STK3: variants seen among roughly 807,000 people sequenced by gnomAD.
STK3 encodes the protein serine/threonine kinase 3.
A neutral mutation model predicts 58.0 loss-of-function variants in STK3; 41 were observed. The observed-to-expected ratio is 0.71, with a 90% CI of 0.55 to 0.92. STK3 has a LOEUF of 0.92. STK3 is among the 40% of genes least tolerant of loss of function. The probability of loss-of-function intolerance (pLI) is 0.00; values close to 1 mark genes in which losing one functional copy is unlikely to be tolerated. For synonymous variants in STK3, 170 were observed against 191.0 expected, an observed-to-expected ratio of 0.89 and a Z score of 0.91; for missense variants, 479 against 602.7, an observed-to-expected ratio of 0.79 and a Z score of 2.15.
chr8:98,878,186 G>T (rs894908517), intron 3 of STK3, among the ~76,000 whole-genome samples: 9 of 151,656 alleles, frequency 5.9e-5, no homozygotes, highest in African/African-American at 2.2e-4. Context: ...CTGAGTAACT[G>T]GGATTACAGG....
At chr8:98,597,751 A>T (rs1390284744) in intron 6 of STK3, 1 of 985,204 alleles carries the variant, frequency 1.0e-6, no homozygotes, top group African/African-American at 1.7e-5. Context: ...CAGACCTTAT[A>T]AACCCGGCTA....
At chr8:98,825,243 A>C (rs1214161800) in intron 1 of STK3, among the ~76,000 whole-genome samples, 1 of 151,772 alleles carries the variant, frequency 6.6e-6, no homozygotes, top group African/African-American at 2.4e-5. Context: ...CCGCCCCGGG[A>C]GGTCAGGCCG....
At chr8:98,592,736 T>TATTC (rs1815431819) in intron 7 of STK3, among the ~76,000 whole-genome samples, 1 of 88,990 alleles carries the variant, frequency 1.1e-5, no homozygotes, top group Admixed American at 9.5e-5. Context: ...TGACTTACTT[T>TATTC]ATTTATTTAT....
At chr8:98,381,149 T>A (rs1238475958) in intron 1 of STK3, among the ~76,000 whole-genome samples, 3 of 152,036 alleles carry the variant, frequency 2.0e-5, no homozygotes, top group Non-Finnish European at 4.4e-5. Context: ...TTTTGTATTT[T>A]TAGTAGAGAC....
chr8:98,724,966 T>C (rs1827696142), intron 4 of STK3, among the ~76,000 whole-genome samples: 1 of 152,168 alleles, frequency 6.6e-6, no homozygotes, highest in Non-Finnish European at 1.5e-5. Flanking sequence ...AAAATTGTTA[T>C]AAAAAATGAA....
chr8:98,559,968 A>T (rs552817845), intron 8 of STK3, among the ~76,000 whole-genome samples: 2 of 152,284 alleles, frequency 1.3e-5, no homozygotes, highest in Non-Finnish European at 2.9e-5. Flanking sequence ...GGAAGTAAAA[A>T]GAAAACCAAG....
At chr8:98,711,493 G>C (rs2131106850) in intron 4 of STK3, among the ~76,000 whole-genome samples, 1 of 152,324 alleles carries the variant, frequency 6.6e-6, no homozygotes, top group East Asian at 1.9e-4. Flanking sequence ...AAATGCACAA[G>C]CCTCAGTAGC....
intron 6 of STK3, among the ~76,000 whole-genome samples, chr8:98,657,732 G>C (rs1444489041): frequency 6.6e-6 from 1 of 151,874 alleles, no homozygotes; most frequent in East Asian, 1.9e-4. Context: ...AGAGTATTAA[G>C]AGTATCTTAA....
chr8:98,903,747 T>A (rs1022649439), intron 1 of STK3, among the ~76,000 whole-genome samples: 1 of 152,070 alleles, frequency 6.6e-6, no homozygotes, highest in African/African-American at 2.4e-5. Context: ...TAATGTTGCA[T>A]TATAAAGTCC....
intron 7 of STK3, 97 bp from the exon 8 acceptor site, chr8:98,579,886 A>G: frequency 9.0e-7 from 1 of 1,112,962 alleles, no homozygotes; most frequent in Non-Finnish European, 1.2e-6. Flanking sequence ...CCAGGATCAC[A>G]GGCTTCAATG....
downstream of STK3, among the ~76,000 whole-genome samples, chr8:98,396,589 C>T (rs564450910): frequency 6.6e-6 from 1 of 152,292 alleles, no homozygotes; most frequent in Admixed American, 6.5e-5. Context: ...TGTCTGATGG[C>T]CAGTGGCCAG....
intron 10 of STK3, among the ~76,000 whole-genome samples, chr8:98,509,723 T>C (rs1335444600): frequency 2.6e-5 from 4 of 151,944 alleles, no homozygotes; most frequent in African/African-American, 9.6e-5. Flanking sequence ...AGAAGTACTA[T>C]GGCCAACAGC....
At chr8:98,372,772 A>G (rs1438648570) in intron 2 of STK3, among the ~76,000 whole-genome samples, 2 of 152,194 alleles carry the variant, frequency 1.3e-5, no homozygotes, top group African/African-American at 4.8e-5. Flanking sequence ...TGAGAAGAGC[A>G]TGGGTTGTGA....
intron 6 of STK3, among the ~76,000 whole-genome samples, chr8:98,665,670 C>T (rs989576236): frequency 6.6e-6 from 1 of 151,662 alleles, no homozygotes; most frequent in Non-Finnish European, 1.5e-5. Context: ...GCTGTGATTA[C>T]AGGCATGAGC....
intron 7 of STK3, among the ~76,000 whole-genome samples, chr8:98,591,865 G>A (rs1815345635): frequency 6.6e-6 from 1 of 152,128 alleles, no homozygotes; most frequent in African/African-American, 2.4e-5. Context: ...GTATAATGTA[G>A]TTTGAATTTT....
intron 1 of STK3, among the ~76,000 whole-genome samples, chr8:98,785,976 G>A (rs887180113): frequency 2.6e-5 from 4 of 152,134 alleles, no homozygotes; most frequent in African/African-American, 9.7e-5. Flanking sequence ...TGAATGTAGT[G>A]CCACCACAGA....
chr8:98,396,775 C>T (rs890050490), downstream of STK3, among the ~76,000 whole-genome samples: 2 of 152,216 alleles, frequency 1.3e-5, no homozygotes, highest in African/African-American at 4.8e-5. Context: ...CAAGCAGCCA[C>T]GCTGACTGCT....
chr8:98,648,952 G>A (rs1410357232), intron 6 of STK3, among the ~76,000 whole-genome samples: 1 of 151,336 alleles, frequency 6.6e-6, no homozygotes, highest in Non-Finnish European at 1.5e-5. Flanking sequence ...AGCTACTTGG[G>A]AGGCTGAGGA....
At chr8:98,747,605 A>G (rs140055974) in intron 4 of STK3, among the ~76,000 whole-genome samples, 68 of 152,298 alleles carry the variant, frequency 4.5e-4, no homozygotes, top group Admixed American at 1.1e-3. Flanking sequence ...TAACCTTAAC[A>G]ATAATGGTAC....
Sources: allele counts gnomAD v4.1 joint callset (sites outside exome capture counted in the v4.1 genomes callset), GRCh38; gene constraint gnomAD v4.1.1; transcripts MANE v1.5; gene names NCBI Gene and HGNC (gene_info 2026-07-23, HGNC 2026-07-21).